ANO5: variants seen among roughly 807,000 people sequenced by gnomAD.
ANO5 encodes anoctamin-5.
In ANO5, 109 loss-of-function variants were observed where a neutral mutation model predicts 121.0. The observed-to-expected ratio is 0.90, with a 90% CI of 0.77 to 1.06. The LOEUF (loss-of-function observed/expected upper bound fraction) is 1.06, where lower values mean the gene tolerates loss of function less well. ANO5 is among the 50% of genes least tolerant of loss of function. The probability of loss-of-function intolerance (pLI) is 0.00; values close to 1 mark genes in which losing one functional copy is unlikely to be tolerated. For missense variants in ANO5, 1,064 were observed against 1,078.5 expected (o/e 0.99, Z 0.19); for synonymous variants, 406 against 359.9 (o/e 1.13, Z -1.45).
intron 17 of ANO5, among the ~76,000 whole-genome samples, chr11:22,269,280 A>G (rs1297696882): frequency 1.6e-4 from 10 of 60,860 alleles, no homozygotes; most frequent in African/African-American, 8.9e-4. Context: ...AGGGAAGGGA[A>G]GAGAAGGGAA....
At chr11:22,218,140 CTT>C (rs1590232448) in intron 3 of ANO5, 104 bp from the exon 4 acceptor site, 366 of 1,244,210 alleles carry the variant, frequency 2.9e-4, no homozygotes, top group Non-Finnish European at 3.8e-4. Flanking sequence ...CACACACACA[CTT>C]ATAAAATGAT....
intron 12 of ANO5, 132 bp downstream of exon 12, chr11:22,251,143 T>A: frequency 1.1e-6 from 1 of 930,250 alleles, no homozygotes; most frequent in Non-Finnish European, 1.7e-6. Flanking sequence ...TTGTTAGCAT[T>A]AATATACTGA....
intron 14 of ANO5, among the ~76,000 whole-genome samples, chr11:22,258,532 T>C (rs530661592): frequency 6.6e-6 from 1 of 152,348 alleles, no homozygotes; most frequent in Admixed American, 6.5e-5. Flanking sequence ...CTCTAATGAT[T>C]GATAGAAAGC....
At chr11:22,256,595 T>C (rs1854006269) in intron 13 of ANO5, among the ~76,000 whole-genome samples, 1 of 152,198 alleles carries the variant, frequency 6.6e-6, no homozygotes, top group Non-Finnish European at 1.5e-5. Context: ...CCTATTAGCT[T>C]TGCCAAAAAT....
intron 14 of ANO5, among the ~76,000 whole-genome samples, chr11:22,258,122 G>C (rs1004048564): frequency 6.6e-6 from 1 of 151,996 alleles, no homozygotes; most frequent in African/African-American, 2.4e-5. Flanking sequence ...CTTATTTCCT[G>C]CTCTTCCTTT....
chr11:22,220,430 C>T (rs185514758), intron 4 of ANO5, among the ~76,000 whole-genome samples: 1 of 152,038 alleles, frequency 6.6e-6, no homozygotes, highest in East Asian at 1.9e-4. Flanking sequence ...CTACACAACA[C>T]GTGAAAGTTG....
At chr11:22,260,136 C>T (rs1012789568) in intron 15 of ANO5, among the ~76,000 whole-genome samples, 1 of 152,126 alleles carries the variant, frequency 6.6e-6, no homozygotes, top group Non-Finnish European at 1.5e-5. Flanking sequence ...AAAACAGAAA[C>T]ATCAGCTTCT....
Position 22,239,676 on chromosome 11 carries a change from C to G in ANO5, c.870C>G (p.Asp290Glu), listed in dbSNP as rs1486471978. ...FSYFYKEQPL[D>E]LIKNYYGEKI... ...ATTTCTACAAGGAGCAGCCTTTAGA[C>G]TTGATTAAGTAAGTTTCATACACAG... The change falls in exon 9 of 22, where the codon GAC becomes GAG. Residue 290 changes from aspartate (D) to glutamate (E), a missense_variant. Physicochemically the swap from Asp to Glu is conservative, Grantham distance 45. Coordinates refer to ENST00000324559, the MANE Select transcript of ANO5 (RefSeq NM_213599.3). 1 of 1,597,484 alleles carries G rather than the reference C, an allele frequency of 6.3e-7. No individual in the cohort carries two copies.
At chr11:22,277,727 C>T (rs779836871) in intron 21 of ANO5, 1 of 151,412 alleles carries the variant, frequency 6.6e-6, no homozygotes, top group Non-Finnish European at 1.5e-5. Flanking sequence ...AAATTACTTC[C>T]GGAATTCTTT....
At chr11:22,228,096 G>C (rs1448469994) in intron 7 of ANO5, among the ~76,000 whole-genome samples, 1 of 151,902 alleles carries the variant, frequency 6.6e-6, no homozygotes, top group Admixed American at 6.6e-5. Context: ...TGAAGTCCTA[G>C]GATCTTTAAG....
chr11:22,234,170 AC>A (rs1299409957), intron 7 of ANO5, among the ~76,000 whole-genome samples: 1 of 152,120 alleles, frequency 6.6e-6, no homozygotes, highest in African/African-American at 2.4e-5. Flanking sequence ...GGAAAGCTGA[AC>A]CAGTTGAGAT....
intron 9 of ANO5, among the ~76,000 whole-genome samples, chr11:22,246,360 A>T (rs966756142): frequency 2.0e-5 from 3 of 151,314 alleles, no homozygotes; most frequent in South Asian, 2.1e-4. Flanking sequence ...AAACATCTTC[A>T]CCTCTCTCCT....
intron 1 of ANO5, among the ~76,000 whole-genome samples, chr11:22,202,928 A>T (rs1852006604): frequency 6.6e-6 from 1 of 152,146 alleles, no homozygotes; most frequent in Non-Finnish European, 1.5e-5. Flanking sequence ...TGTAAAGACT[A>T]CATTTCCAAA....
Position 22,221,292 on chromosome 11 carries a change from T to C in ANO5, c.294+82T>C, listed in dbSNP as rs1049805898. On this transcript the variant is annotated intron_variant, in intron 5 of 21. Transcript: ENST00000324559. ...ACATGGATATCTGGATTGAATTATG[T>C]TGTAAAAGTGAGAGGCCCTGAAGTG... 4.9e-6 allele frequency: 6 copies of C among 1,226,126 alleles called. No homozygotes were observed. The Admixed American group carries it at 5.8e-5, about 12-fold the overall frequency. 76.0% of individuals were successfully genotyped at this position (1,226,126 alleles called of 1,614,324 possible).
chr11:22,193,321 G>GGAGGCGGAGAAGGAGGAGGGGAAT lies in ANO5; in HGVS notation c.-168_-167insCGGAGAAGGAGGAGGGGAATGAGG, dbSNP rs1851705979. 3.1e-6 allele frequency: 1 copy of GGAGGCGGAGAAGGAGGAGGGGAAT among 320,376 alleles called. No homozygotes were observed. The highest frequency in any genetic ancestry group is 6.7e-5 in the African/African-American group (1 of 14,988). 19.8% of individuals were successfully genotyped at this position (320,376 alleles called of 1,614,324 possible). Reference sequence around the variant, plus strand: ...GGCGCCCAGAGACGGTGGAGTCCGAGGAGGAGGAGAAGGAGGCCTGCAGAA... The same window carrying GGAGGCGGAGAAGGAGGAGGGGAAT: ...GGCGCCCAGAGACGGTGGAGTCCGAGGAGGCGGAGAAGGAGGAGGGGAATGAGGAGGAGAAGGAGGCCTGCAGAA... On this transcript the variant is annotated 5_prime_UTR_variant, in exon 1 of 22. The change creates a new upstream start codon in the 5' untranslated region. Coordinates refer to ENST00000324559, the MANE Select transcript of ANO5 (RefSeq NM_213599.3).
chr11:22,205,241 G>A (rs1416360803), intron 2 of ANO5, among the ~76,000 whole-genome samples: 3 of 152,038 alleles, frequency 2.0e-5, no homozygotes, highest in East Asian at 3.9e-4. Context: ...AAAACAACTA[G>A]TGGGTATTAG....
At chr11:22,200,623 C>G (rs959950112) in intron 1 of ANO5, among the ~76,000 whole-genome samples, 2 of 152,108 alleles carry the variant, frequency 1.3e-5, no homozygotes, top group African/African-American at 4.8e-5. Context: ...CTAATATAGT[C>G]TGGTGCCATA....
chr11:22,234,648 AG>A (rs1183134339), intron 7 of ANO5, among the ~76,000 whole-genome samples: 2 of 152,144 alleles, frequency 1.3e-5, no homozygotes, highest in Admixed American at 1.3e-4. Context: ...TTGTACTCCA[AG>A]AAAAAGGAGG....
At chr11:22,253,312 GCTAA>G (rs540656624) in intron 12 of ANO5, among the ~76,000 whole-genome samples, 16 of 151,952 alleles carry the variant, frequency 1.1e-4, no homozygotes, top group African/African-American at 3.6e-4. Flanking sequence ...TACTCTTTTT[GCTAA>G]CTATTTTGTA....
Sources: gnomAD v4.1 joint callset for allele counts (sites outside exome capture counted in the v4.1 genomes callset) on GRCh38, gnomAD v4.1.1 for gene constraint, MANE v1.5 for transcripts, NCBI Gene and HGNC (gene_info 2026-07-23, HGNC 2026-07-21) for gene names.